The following ERI3 variants were observed in gnomAD, a reference collection of about 807,000 sequenced individuals.
The protein encoded by ERI3 is ERI1 exoribonuclease family member 3.
ERI3 carries 18 observed loss-of-function variants against 44.4 expected under a neutral mutation model. The ratio of observed to expected loss-of-function variants is 0.41; its 90% confidence interval spans 0.28 to 0.60. ERI3 has a LOEUF of 0.60. ERI3 is among the 20% of genes least tolerant of loss of function. ERI3 has a pLI of 0.36. For missense variants in ERI3, 294 were observed against 435.5 expected (o/e 0.68, Z 2.89); for synonymous variants, 183 against 164.8 (o/e 1.11, Z -0.84).
At chr1:44,253,873 T>C (rs1331135995) in intron 7 of ERI3, among the ~76,000 whole-genome samples, 1 of 152,164 alleles carries the variant, frequency 6.6e-6, no homozygotes. Context: ...TGCCTGACTA[T>C]ATAACCACAC....
Position 44,332,451 on chromosome 1 carries a change from C to A in ERI3, c.489+6594G>T, listed in dbSNP as rs75171557. Reference sequence around the variant, plus strand: ...TCCCCAAGGAAAGTTCCTGGCCCCACCCCCAGACAACTCCACAGCCTGCTA... The same window carrying A: ...TCCCCAAGGAAAGTTCCTGGCCCCAACCCCAGACAACTCCACAGCCTGCTA... On this transcript the variant is annotated intron_variant, in intron 3 of 8. Transcript: ENST00000372257. Among the ~76,000 whole-genome samples, 105 of 152,266 alleles carry A rather than the reference C, an allele frequency of 6.9e-4. 2 individuals are homozygous for A. The East Asian group carries it at 0.013, about 18-fold the overall frequency.
chr1:44,246,698 C>T (rs1467332429), intron 8 of ERI3, among the ~76,000 whole-genome samples: 1 of 152,248 alleles, frequency 6.6e-6, no homozygotes, highest in Admixed American at 6.5e-5. Flanking sequence ...TTTTCTGTCA[C>T]AGCCCTTAGT....
rs1276216348 is a variant in ERI3 at position 44,319,757 on chromosome 1, A to T, written c.490-13T>A. The T allele has an allele frequency of 3.8e-6, 6 of 1,576,362 alleles. No individual in the cohort carries two copies. The highest frequency in any genetic ancestry group is 5.2e-6 in the Non-Finnish European group (6 of 1,146,444). On this transcript the variant is annotated splice_polypyrimidine_tract_variant and intron_variant, in intron 3 of 8. Coordinates refer to ENST00000372257, the MANE Select transcript of ERI3 (RefSeq NM_024066.3). ...ACTCGATGATTTCCTGGAGTGCCAA[A>T]GATACAGAAAAGGAAAAATAAGTTA...
rs756941226 is a variant in ERI3 at position 44,339,135 on chromosome 1, C to T, written c.399G>A (p.Ala133=). ...LAAHGFGASM[A]AMVSFPPQRY... ...TCTGGGGAGGGAAGGACACCATTGC[C>T]GCCATGGATGCGCCAAAGCCGTGGG... Residue 133 remains alanine, a synonymous_variant, in exon 3 of 9, where the codon GCG becomes GCA. Transcript: ENST00000372257. The T allele has an allele frequency of 2.0e-5, 33 of 1,613,866 alleles. No individual in the cohort carries two copies. The highest frequency in any genetic ancestry group is 6.7e-5 in the African/African-American group (5 of 74,838).
At chr1:44,247,898 C>A (rs750033668) in intron 8 of ERI3, 41 bp downstream of exon 8, 5 of 1,539,628 alleles carry the variant, frequency 3.2e-6, no homozygotes, top group Non-Finnish European at 4.5e-6. Context: ...GGGCAAGGGA[C>A]GATGGATGGA....
At chr1:44,287,595 G>A (rs1338961234) in intron 6 of ERI3, among the ~76,000 whole-genome samples, 2 of 152,164 alleles carry the variant, frequency 1.3e-5, no homozygotes, top group East Asian at 1.9e-4. Flanking sequence ...ATGATGAAGG[G>A]GTATCCAGAT....
intron 7 of ERI3, among the ~76,000 whole-genome samples, chr1:44,268,701 G>C (rs1645035184): frequency 6.6e-6 from 1 of 152,170 alleles, no homozygotes; most frequent in African/African-American, 2.4e-5. Context: ...ATATGAATGT[G>C]AACACACATC....
At chr1:44,250,339 C>A (rs914926631) in intron 7 of ERI3, among the ~76,000 whole-genome samples, 3 of 152,252 alleles carry the variant, frequency 2.0e-5, no homozygotes, top group African/African-American at 4.8e-5. Flanking sequence ...CTTATCGCAG[C>A]TAAGCGGGAA....
chr1:44,268,341 A>AC (rs1645029067), intron 7 of ERI3, among the ~76,000 whole-genome samples: 1 of 152,094 alleles, frequency 6.6e-6, no homozygotes, highest in Non-Finnish European at 1.5e-5. Context: ...GCTACCTGAG[A>AC]CCTAGGTCCA....
rs1451291864 is a variant in ERI3 at position 44,228,291 on chromosome 1, G to A, written c.932-6651C>T. The stretch of plus-strand genomic sequence containing the variant: ...GGAGGTGCCACAGGCTGATGGTGAA[G>A]GATGACGATGGTTCCACAATAAGGG... On this transcript the variant is annotated intron_variant, in intron 8 of 8. Coordinates refer to ENST00000372257, the MANE Select transcript of ERI3 (RefSeq NM_024066.3). The surrounding 1 kb of genome is among the most constrained non-coding windows in gnomAD (Gnocchi z 4.3). 2.0e-5 allele frequency among the ~76,000 whole-genome samples: 3 copies of A among 152,178 alleles called. No homozygotes were observed. The highest frequency in any genetic ancestry group is 7.2e-5 in the African/African-American group (3 of 41,438).
At chr1:44,289,381 T>C (rs1645457918) in intron 6 of ERI3, among the ~76,000 whole-genome samples, 1 of 152,196 alleles carries the variant, frequency 6.6e-6, no homozygotes, top group African/African-American at 2.4e-5. Context: ...ATTACCACAC[T>C]GGCCCCTCAG....
At chr1:44,247,420 A>G (rs994968399) in intron 8 of ERI3, among the ~76,000 whole-genome samples, 4 of 152,114 alleles carry the variant, frequency 2.6e-5, no homozygotes, top group African/African-American at 4.8e-5. Context: ...GCACCGCTCA[A>G]TGGAGGCTGC....
chr1:44,266,963 C>T (rs1322758342), intron 7 of ERI3, among the ~76,000 whole-genome samples: 1 of 152,174 alleles, frequency 6.6e-6, no homozygotes, highest in East Asian at 1.9e-4. Flanking sequence ...CTGAACATAC[C>T]ACTGTAGCTA....
chr1:44,320,160 T>C (rs1391423178), intron 3 of ERI3, among the ~76,000 whole-genome samples: 1 of 152,226 alleles, frequency 6.6e-6, no homozygotes, highest in Non-Finnish European at 1.5e-5. Context: ...ATCAGACCAA[T>C]GCATAGATTT....
intron 7 of ERI3, among the ~76,000 whole-genome samples, chr1:44,279,896 T>C (rs1645252050): frequency 6.6e-6 from 1 of 152,246 alleles, no homozygotes; most frequent in Non-Finnish European, 1.5e-5. Flanking sequence ...TTTGTTAATG[T>C]GCAATTTTGT....
chr1:44,297,802 C>A (rs747635176), intron 6 of ERI3, among the ~76,000 whole-genome samples: 4 of 152,242 alleles, frequency 2.6e-5, no homozygotes, highest in Non-Finnish European at 4.4e-5. Flanking sequence ...ACCTTACAGG[C>A]ATGGAAAGTT....
At chr1:44,305,801 C>T (rs1237379498) in intron 6 of ERI3, among the ~76,000 whole-genome samples, 5 of 152,108 alleles carry the variant, frequency 3.3e-5, no homozygotes, top group Admixed American at 6.6e-5. Context: ...CCATGGCTTC[C>T]GGAAACTAGA....
At chr1:44,265,579 T>C (rs1644975025) in intron 7 of ERI3, among the ~76,000 whole-genome samples, 1 of 151,374 alleles carries the variant, frequency 6.6e-6, no homozygotes, top group South Asian at 2.1e-4. Flanking sequence ...AATGACAAAG[T>C]GAACTCGCAC....
chr1:44,266,371 A>C (rs988805861), intron 7 of ERI3, among the ~76,000 whole-genome samples: 1 of 152,222 alleles, frequency 6.6e-6, no homozygotes, highest in African/African-American at 2.4e-5. Context: ...ACACAGCTCA[A>C]AGGGACTTGG....
Sources: allele counts gnomAD v4.1 joint callset (sites outside exome capture counted in the v4.1 genomes callset), GRCh38; gene constraint gnomAD v4.1.1; non-coding constraint Gnocchi (gnomAD v3.1); transcripts MANE v1.5; gene names NCBI Gene and HGNC (gene_info 2026-07-23, HGNC 2026-07-21).